Variants in PRKN observed in about 807,000 individuals in gnomAD.
PRKN encodes the protein parkin RBR E3 ubiquitin protein ligase.
In PRKN, 56 loss-of-function variants were observed where a neutral mutation model predicts 59.5. The ratio of observed to expected loss-of-function variants is 0.94; its 90% CI spans 0.76 to 1.18. PRKN has a LOEUF of 1.18. Among genes scored for constraint, PRKN ranks in the 50% most tolerant of loss-of-function variants. The probability of loss-of-function intolerance (pLI) is 0.00; values close to 1 mark genes in which losing one functional copy is unlikely to be tolerated. For missense variants in PRKN, 657 were observed against 596.4 expected, an observed-to-expected ratio of 1.10 and a Z score of -1.06; for synonymous variants, 250 against 222.1, an observed-to-expected ratio of 1.13 and a Z score of -1.12.
In PRKN at chr6:161,902,524, G is replaced by GACTATCTATCTA. The variant is rs1554245393; in HGVS notation, c.734+70777_734+70778insTAGATAGATAGT. On this transcript the variant is annotated intron_variant, in intron 6 of 11. Coordinates refer to ENST00000366898, the MANE Select transcript of PRKN (RefSeq NM_004562.3). ...GTGTGTGTAAATGTAATAGACATCC[G>GACTATCTATCTA]TCTATCTATCTATCTATCTATCTAT... Among the ~76,000 whole-genome samples, 184 of 133,064 alleles carry GACTATCTATCTA rather than the reference G, an allele frequency of 1.4e-3. 1 individual carries two copies. The highest frequency in any genetic ancestry group is 5.0e-3 in the African/African-American group (169 of 33,950). The allele number at this position is 133,064 out of a possible 152,430, so 87.3% of individuals were successfully genotyped here.
chr6:162,172,113 G>C (rs371380289), intron 4 of PRKN, among the ~76,000 whole-genome samples: 1 of 152,224 alleles, frequency 6.6e-6, no homozygotes, highest in Admixed American at 6.5e-5. Context: ...TAAGGACACA[G>C]AGTAAGTGAT....
At chr6:162,541,996 G>C (rs1202204536) in intron 1 of PRKN, among the ~76,000 whole-genome samples, 2 of 152,078 alleles carry the variant, frequency 1.3e-5, no homozygotes, top group Non-Finnish European at 2.9e-5. Context: ...TAAAACGCAA[G>C]GCTGTTGTGT....
At chr6:162,161,879 T>G (rs560071039) in intron 4 of PRKN, among the ~76,000 whole-genome samples, 1 of 152,328 alleles carries the variant, frequency 6.6e-6, no homozygotes, top group African/African-American at 2.4e-5. Context: ...ATTATTCTAT[T>G]TTATGATTAT....
intron 5 of PRKN, among the ~76,000 whole-genome samples, chr6:162,030,179 A>G (rs1206297224): frequency 6.6e-6 from 1 of 152,030 alleles, no homozygotes; most frequent in Non-Finnish European, 1.5e-5. Flanking sequence ...AGAACCCCCC[A>G]AATTTCCCAG....
chr6:162,311,281 G>A (rs1244902682), intron 2 of PRKN, among the ~76,000 whole-genome samples: 1 of 152,090 alleles, frequency 6.6e-6, no homozygotes, highest in Non-Finnish European at 1.5e-5. Flanking sequence ...TGCTTCCTGG[G>A]AGATGGTTTG....
At chr6:162,518,609 C>T (rs1219942814) in intron 1 of PRKN, among the ~76,000 whole-genome samples, 4 of 152,048 alleles carry the variant, frequency 2.6e-5, no homozygotes, top group East Asian at 1.9e-4. Context: ...TCAAGTGATC[C>T]GCCCACCTTG....
At chr6:161,929,652 T>C (rs1779097576) in intron 6 of PRKN, among the ~76,000 whole-genome samples, 1 of 150,724 alleles carries the variant, frequency 6.6e-6, no homozygotes, top group Non-Finnish European at 1.5e-5. Context: ...GCCTCCCAAG[T>C]AGCTGGGTTT....
rs755608391 is a variant in PRKN, at chr6:161,538,079, G to A, written c.1083+10775C>T. Among the ~76,000 whole-genome samples, 9 of 152,170 alleles carry A rather than the reference G, an allele frequency of 5.9e-5. No individual in the cohort carries two copies. Among genetic ancestry groups the A allele is most frequent in the Non-Finnish European group, 5.9e-5 (4 of 68,034 alleles). ...AGGAGAGTAACAGGCAACTTTGATT[G>A]GATAAAGAAACAGGCATTCTTGGCC... On this transcript the variant is annotated intron_variant, in intron 9 of 11. Coordinates refer to ENST00000366898, the MANE Select transcript of PRKN (RefSeq NM_004562.3). The surrounding 1 kb of genome is among the most constrained non-coding windows in gnomAD (Gnocchi z 4.2).
chr6:161,392,815 T>C (rs577092512), intron 9 of PRKN, among the ~76,000 whole-genome samples: 1 of 152,212 alleles, frequency 6.6e-6, no homozygotes, highest in African/African-American at 2.4e-5. Context: ...ATAAGCCAAT[T>C]TTTTTCTATT....
Position 161,399,787 on chromosome 6 carries a change from A to G in PRKN, c.1084-12910T>C, listed in dbSNP as rs1000417350. On this transcript the variant is annotated intron_variant, in intron 9 of 11. Transcript: ENST00000366898. This position sits in a 1 kb window ranked among gnomAD's most constrained non-coding sequence, Gnocchi z 4.4. The stretch of plus-strand genomic sequence containing the variant: ...ACACTTTTGTCTTTTTGATTTTGAA[A>G]CCACCGTGAAAGGATACAGCCTAGA... Among the ~76,000 whole-genome samples, 26 of 152,096 alleles carry G rather than the reference A, an allele frequency of 1.7e-4. No individual in the cohort carries two copies. The highest frequency in any genetic ancestry group is 6.3e-4 in the African/African-American group (26 of 41,394).
In PRKN at chr6:161,723,629, G is replaced by A. The variant is rs528217394; in HGVS notation, c.871+62143C>T. 2.0e-5 allele frequency among the ~76,000 whole-genome samples: 3 copies of A among 152,256 alleles called. No homozygotes were observed. The South Asian group carries it at 6.2e-4, about 32-fold the overall frequency. ...AAGACAGACACTTTCTTTCACGACT[G>A]TAGACATGATCAATGGCCTGCACAA... On this transcript the variant is annotated intron_variant, in intron 7 of 11. Transcript: ENST00000366898.
At chr6:162,654,224 C>G (rs1184081595) in intron 1 of PRKN, among the ~76,000 whole-genome samples, 1 of 152,196 alleles carries the variant, frequency 6.6e-6, no homozygotes, top group African/African-American at 2.4e-5. Context: ...TATTGTAGCT[C>G]TCCTTCTGGC....
chr6:162,539,362 A>T (rs187167224), intron 1 of PRKN, among the ~76,000 whole-genome samples: 1 of 152,328 alleles, frequency 6.6e-6, no homozygotes, highest in East Asian at 1.9e-4. Flanking sequence ...ATGATATTTC[A>T]TAATTGTTCA....
chr6:161,591,437 C>G (rs1781721791), intron 7 of PRKN, among the ~76,000 whole-genome samples: 1 of 152,212 alleles, frequency 6.6e-6, no homozygotes, highest in South Asian at 2.1e-4. Context: ...AGAAAACCAC[C>G]TCCACCCTCT....
At chr6:161,689,550 G>A (rs775242355) in intron 7 of PRKN, among the ~76,000 whole-genome samples, 2 of 152,050 alleles carry the variant, frequency 1.3e-5, no homozygotes, top group Non-Finnish European at 2.9e-5. Flanking sequence ...GGGAACAGTG[G>A]GCGCATCTTG....
At chr6:162,331,224 T>A (rs1562676528) in intron 2 of PRKN, among the ~76,000 whole-genome samples, 1 of 150,904 alleles carries the variant, frequency 6.6e-6, no homozygotes, top group Non-Finnish European at 1.5e-5. Context: ...GGATGATCTG[T>A]GCCCCGCCAT....
intron 2 of PRKN, among the ~76,000 whole-genome samples, chr6:162,395,959 A>G (rs1787453692): frequency 6.6e-6 from 1 of 152,208 alleles, no homozygotes; most frequent in Non-Finnish European, 1.5e-5. Context: ...TACCCAATGC[A>G]CCAGGCACCT....
At chr6:162,613,515 A>G (rs955563149) in intron 1 of PRKN, among the ~76,000 whole-genome samples, 3 of 152,206 alleles carry the variant, frequency 2.0e-5, no homozygotes, top group African/African-American at 7.2e-5. Flanking sequence ...CAGTTGTTTA[A>G]CGGTGAGCTG....
At chr6:162,547,329 A>T (rs1779161118) in intron 1 of PRKN, among the ~76,000 whole-genome samples, 1 of 152,184 alleles carries the variant, frequency 6.6e-6, no homozygotes, top group Non-Finnish European at 1.5e-5. Flanking sequence ...TACTGAGGGC[A>T]TGGCAAGATT....
Sources: allele counts gnomAD v4.1 joint callset (sites outside exome capture counted in the v4.1 genomes callset), GRCh38; gene constraint gnomAD v4.1.1; non-coding constraint Gnocchi (gnomAD v3.1); transcripts MANE v1.5; gene names NCBI Gene and HGNC (gene_info 2026-07-23, HGNC 2026-07-21).